VSTM2B: variants seen among roughly 807,000 people sequenced by gnomAD.
VSTM2B encodes the protein V-set and transmembrane domain-containing protein 2B.
In VSTM2B, 24 loss-of-function variants were observed where a neutral mutation model predicts 24.0. The observed-to-expected ratio is 1.00, with a 90% CI of 0.72 to 1.40. The LOEUF (loss-of-function observed/expected upper bound fraction) is 1.40, where lower values mean the gene tolerates loss of function less well. Among genes scored for constraint, VSTM2B ranks in the 40% most tolerant of loss-of-function variants. VSTM2B has a pLI of 0.00. For missense variants in VSTM2B, 399 were observed against 416.4 expected (o/e 0.96, Z 0.36); for synonymous variants, 226 against 194.4 (o/e 1.16, Z -1.35).
intron 4 of VSTM2B, among the ~76,000 whole-genome samples, chr19:29,553,448 T>C (rs1279634626): frequency 6.6e-6 from 1 of 152,006 alleles, no homozygotes; most frequent in Non-Finnish European, 1.5e-5. Flanking sequence ...GAAAACCCCA[T>C]CCAAAGGCCA....
intron 4 of VSTM2B, among the ~76,000 whole-genome samples, chr19:29,532,517 T>G (rs1385728938): frequency 6.6e-6 from 1 of 152,162 alleles, no homozygotes; most frequent in Non-Finnish European, 1.5e-5. Context: ...CAAGGAAATG[T>G]GTGCATTACA....
At chr19:29,551,966 C>T (rs1466382730) in intron 4 of VSTM2B, among the ~76,000 whole-genome samples, 3 of 152,220 alleles carry the variant, frequency 2.0e-5, no homozygotes, top group African/African-American at 7.2e-5. Context: ...TGGGCCTTGC[C>T]TTGTAGGGTC....
chr19:29,558,145 CA>C (rs1381900446), intron 4 of VSTM2B, among the ~76,000 whole-genome samples: 1 of 152,050 alleles, frequency 6.6e-6, no homozygotes, highest in African/African-American at 2.4e-5. Context: ...GAATGCAAAT[CA>C]AAACCTCAAT....
In VSTM2B at chr19:29,526,537, G is replaced by C. The variant is rs1172938160; in HGVS notation, c.-47G>C. 4.1e-6 allele frequency: 6 copies of C among 1,452,260 alleles called. No homozygotes were observed. In the South Asian group the frequency reaches 7.7e-5, roughly 19 times the overall value. The allele number at this position is 1,452,260 out of a possible 1,614,324, so 90.0% of individuals were successfully genotyped here. A position where few individuals can be genotyped will look rare whatever the true frequency, so the allele number is the denominator to read the frequency against. ...GCCGATCCGAGCCCACGCGGCCGCCGCCTCTCCGCTCCCGGGCCCCCGCCG... is the reference window on the plus strand; with the variant it reads ...GCCGATCCGAGCCCACGCGGCCGCCCCCTCTCCGCTCCCGGGCCCCCGCCG... On this transcript the variant is annotated 5_prime_UTR_variant, in exon 1 of 5. Transcript: ENST00000335523. The surrounding 1 kb of genome is among the most constrained non-coding windows in gnomAD (Gnocchi z 4.1).
chr19:29,544,958 G>T (rs376588818), intron 4 of VSTM2B, among the ~76,000 whole-genome samples: 53 of 152,284 alleles, frequency 3.5e-4, no homozygotes, highest in South Asian at 8.3e-4. Context: ...GACAGCCATG[G>T]TCTCCACTCT....
chr19:29,543,198 T>C (rs370458313), intron 4 of VSTM2B, among the ~76,000 whole-genome samples: 4 of 152,200 alleles, frequency 2.6e-5, no homozygotes, highest in East Asian at 3.8e-4. Context: ...AATAACTCTA[T>C]TTACATTAAA....
In VSTM2B at chr19:29,530,130, G is replaced by T; in HGVS notation, c.609G>T (p.Pro203=). 1 of 1,452,458 alleles carries T rather than the reference G, an allele frequency of 6.9e-7. No homozygotes were observed. The highest frequency in any genetic ancestry group is 9.0e-7 in the Non-Finnish European group (1 of 1,110,228). The allele number at this position is 1,452,458 out of a possible 1,614,324, so 90.0% of individuals were successfully genotyped here. A position where few individuals can be genotyped will look rare whatever the true frequency, so the allele number is the denominator to read the frequency against. ...CCGGCCGCGGCGACAAGAGCCCGCC[G>T]CCCGGGAGCCCTCCCGCCGCCATCG... ...SEPGRGDKSP[P]PGSPPAAIDP... Residue 203 remains proline, a synonymous_variant, in exon 4 of 5, where the codon CCG becomes CCT. Transcript: ENST00000335523.
chr19:29,553,582 G>A (rs779765990), intron 4 of VSTM2B, among the ~76,000 whole-genome samples: 1 of 152,220 alleles, frequency 6.6e-6, no homozygotes, highest in Non-Finnish European at 1.5e-5. Context: ...TCCAACAAGA[G>A]CACAGAATGG....
chr19:29,532,586 A>G (rs1464091376), intron 4 of VSTM2B, among the ~76,000 whole-genome samples: 2 of 152,212 alleles, frequency 1.3e-5, no homozygotes, highest in Non-Finnish European at 2.9e-5. Flanking sequence ...GTTCCGATGT[A>G]GGTTGTGCTT....
rs1969580060 is a variant in VSTM2B, at chr19:29,526,748, GAACCGGGA to G, written c.82+85_82+92del. 7.7e-7 allele frequency: 1 copy of G among 1,299,742 alleles called. No individual in the cohort carries two copies. The highest frequency in any genetic ancestry group is 1.5e-5 in the African/African-American group (1 of 66,512). The allele number at this position is 1,299,742 out of a possible 1,614,324, so 80.5% of individuals were successfully genotyped here. Reference sequence around the variant, plus strand: ...CACCGAGAAGAAGAAGAAAGAGAACGAACCGGGAAGCTTCGCGGTCTCCAGCAATCCCG... The same window carrying G: ...CACCGAGAAGAAGAAGAAAGAGAACGAGCTTCGCGGTCTCCAGCAATCCCG... On this transcript the variant is annotated intron_variant, in intron 1 of 4. Coordinates refer to ENST00000335523, the MANE Select transcript of VSTM2B (RefSeq NM_001146339.2). The surrounding 1 kb of genome is among the most constrained non-coding windows in gnomAD (Gnocchi z 4.1).
At chr19:29,535,326 A>G (rs1409175617) in intron 4 of VSTM2B, among the ~76,000 whole-genome samples, 2 of 152,208 alleles carry the variant, frequency 1.3e-5, no homozygotes, top group Admixed American at 6.5e-5. Context: ...CGCGGCCTCA[A>G]AAGAATCCAG....
At chr19:29,536,419 G>A (rs528561384) in intron 4 of VSTM2B, among the ~76,000 whole-genome samples, 1 of 152,330 alleles carries the variant, frequency 6.6e-6, no homozygotes, top group African/African-American at 2.4e-5. Context: ...CAAGGTTGGA[G>A]AAGTCCACAC....
In VSTM2B at chr19:29,561,515, C is replaced by T. The variant is rs551927786; in HGVS notation, c.770-2331C>T. 3.9e-5 allele frequency among the ~76,000 whole-genome samples: 6 copies of T among 152,146 alleles called. No homozygotes were observed. The East Asian group carries it at 1.2e-3, about 29-fold the overall frequency. On this transcript the variant is annotated intron_variant, in intron 4 of 4. Coordinates refer to ENST00000335523, the MANE Select transcript of VSTM2B (RefSeq NM_001146339.2). The stretch of plus-strand genomic sequence containing the variant: ...TGTGGGGTGCCTGTAATCCCAGCTA[C>T]TTGGGAGGCTGAGGCAGGAGAATTG...
rs1210948531 is a variant in VSTM2B at position 29,526,455 on chromosome 19, G to T, written c.-129G>T. The T allele has an allele frequency of 1.1e-5, 5 of 439,890 alleles. No individual in the cohort carries two copies. Among genetic ancestry groups the T allele is most frequent in the Admixed American group, 5.1e-5 (1 of 19,560 alleles). The allele number at this position is 439,890 out of a possible 1,614,324, so 27.2% of individuals were successfully genotyped here. ...TGATTGGCGGCCGCCGGCGGCCAGG[G>T]GAGGGGGCGCCGCGCGGGGCCATGG... On this transcript the variant is annotated 5_prime_UTR_variant, in exon 1 of 5. Transcript: ENST00000335523. The surrounding 1 kb of genome is among the most constrained non-coding windows in gnomAD (Gnocchi z 4.1).
At chr19:29,560,175 C>T (rs192854715) in intron 4 of VSTM2B, among the ~76,000 whole-genome samples, 23 of 152,192 alleles carry the variant, frequency 1.5e-4, no homozygotes, top group African/African-American at 3.9e-4. Flanking sequence ...GATAATGTTC[C>T]GCCAGCAAAA....
intron 3 of VSTM2B, among the ~76,000 whole-genome samples, chr19:29,529,585 T>C (rs1396048254): frequency 1.3e-5 from 2 of 152,026 alleles, no homozygotes; most frequent in East Asian, 1.9e-4. Context: ...TTGGTTAACG[T>C]GATGGGGACG....
intron 4 of VSTM2B, among the ~76,000 whole-genome samples, chr19:29,544,560 A>G (rs1470902349): frequency 2.0e-5 from 3 of 146,734 alleles, no homozygotes; most frequent in African/African-American, 7.6e-5. Context: ...AAAAAAACTG[A>G]ATGTGCCATA....
chr19:29,528,600 G>C (rs1280072834), intron 3 of VSTM2B, 138 bp downstream of exon 3: 14 of 1,103,032 alleles, frequency 1.3e-5, no homozygotes, highest in Non-Finnish European at 1.8e-5. Flanking sequence ...CCTTGCATCG[G>C]TGGCTGCTCG....
chr19:29,552,773 G>A (rs1427350705), intron 4 of VSTM2B, among the ~76,000 whole-genome samples: 1 of 152,202 alleles, frequency 6.6e-6, no homozygotes, highest in East Asian at 1.9e-4. Flanking sequence ...CTTTTCCCCT[G>A]CCAGTACTGG....
Sources: gnomAD v4.1 joint callset for allele counts (sites outside exome capture counted in the v4.1 genomes callset) on GRCh38, gnomAD v4.1.1 for gene constraint, Gnocchi (gnomAD v3.1) non-coding constraint, MANE v1.5 for transcripts, NCBI Gene and HGNC (gene_info 2026-07-23, HGNC 2026-07-21) for gene names.